SARDH: variants seen among roughly 807,000 people sequenced by gnomAD.
The protein encoded by SARDH is sarcosine dehydrogenase, mitochondrial.
SARDH carries 95 observed loss-of-function variants against 109.1 expected under a neutral mutation model. The ratio of observed to expected loss-of-function variants is 0.87; its 90% confidence interval spans 0.74 to 1.03. SARDH has a LOEUF of 1.03. SARDH is among the 50% of genes least tolerant of loss of function. The probability of loss-of-function intolerance (pLI) is 0.00; values close to 1 mark genes in which losing one functional copy is unlikely to be tolerated. For missense variants in SARDH, 1,267 were observed against 1,287.8 expected (o/e 0.98, Z 0.25); for synonymous variants, 572 against 534.8 (o/e 1.07, Z -0.96).
At chr9:133,669,708 G>A (rs1026919160) in intron 19 of SARDH, among the ~76,000 whole-genome samples, 13 of 152,320 alleles carry the variant, frequency 8.5e-5, no homozygotes, top group East Asian at 3.9e-4. Context: ...GTGACTGGGC[G>A]TGAGTCCCCT....
chr9:133,714,424 C>T (rs371584159), intron 8 of SARDH, among the ~76,000 whole-genome samples: 23 of 152,240 alleles, frequency 1.5e-4, no homozygotes, highest in Admixed American at 4.6e-4. Context: ...GGGCAGAGGC[C>T]GGAGCAGCCA....
rs1482728690 is a variant in SARDH at position 133,694,352 on chromosome 9, G to A, written c.1827C>T (p.Cys609=). 6.4e-7 allele frequency: 1 copy of A among 1,550,734 alleles called. No homozygotes were observed. The highest frequency in any genetic ancestry group is 8.7e-7 in the Non-Finnish European group (1 of 1,146,916). Residue 609 remains cysteine, a synonymous_variant, in exon 15 of 21, where the codon TGC becomes TGT. Coordinates refer to ENST00000439388, the MANE Select transcript of SARDH (RefSeq NM_001134707.2). ...SRPPGSTVYT[C]MLNHRGGTES... The stretch of plus-strand genomic sequence containing the variant: ...CGGTGCCCCCACGGTGGTTGAGCAT[G>A]CACGTGTACACGGTGGAGCCTGCGA...
intron 17 of SARDH, among the ~76,000 whole-genome samples, chr9:133,676,975 C>A (rs932912020): frequency 6.6e-6 from 1 of 152,138 alleles, no homozygotes; most frequent in Non-Finnish European, 1.5e-5. Flanking sequence ...CCCATCTCTA[C>A]TAAAAATACA....
chr9:133,726,235 G>A (rs1365947001), intron 6 of SARDH, among the ~76,000 whole-genome samples: 1 of 151,768 alleles, frequency 6.6e-6, no homozygotes, highest in African/African-American at 2.4e-5. Flanking sequence ...AGGAGTGGTG[G>A]CACATGCCTG....
At chr9:133,733,411 C>CT in intron 2 of SARDH, among the ~76,000 whole-genome samples, 1 of 152,284 alleles carries the variant, frequency 6.6e-6, no homozygotes, top group East Asian at 1.9e-4. Context: ...AATATATGCC[C>CT]CCTGGTTAGT....
rs188160088 is a variant in SARDH, at chr9:133,705,529, C to T, written c.1471-498G>A. On this transcript the variant is annotated intron_variant, in intron 11 of 20. Transcript: ENST00000439388. ...CCAGGAATCCCATCTATAGACTTACCGCCTGCCCCATCTGCCCTCACCCTG... is the reference window on the plus strand; with the variant it reads ...CCAGGAATCCCATCTATAGACTTACTGCCTGCCCCATCTGCCCTCACCCTG... Among the ~76,000 whole-genome samples, 471 of 133,608 alleles carry T rather than the reference C, an allele frequency of 3.5e-3. 1 individual carries two copies. The highest frequency in any genetic ancestry group is 5.4e-3 in the Non-Finnish European group (334 of 61,620). The allele number at this position is 133,608 out of a possible 152,430, so 87.7% of individuals were successfully genotyped here.
At chr9:133,694,712 G>A (rs2073816) in intron 14 of SARDH, among the ~76,000 whole-genome samples, 74,542 of 152,118 alleles carry the variant, frequency 0.49, 20,024 homozygotes, top group African/African-American at 0.73. Context: ...CATGCCCCCC[G>A]TTCATTCTGG....
rs999969007 is a variant in SARDH, at chr9:133,685,229, G to A, written c.2127C>T (p.Phe709=). ...DADLSNEAFP[F]STHKLLRAAG... ...CGGCTCTCAGTAGCTTGTGGGTGGA[G>A]AACGGGAAGGCCTCGTTGCTCAGGT... Residue 709 remains phenylalanine, a synonymous_variant, in exon 17 of 21, where the codon TTC becomes TTT. Transcript: ENST00000439388. The A allele has an allele frequency of 3.7e-6, 6 of 1,613,898 alleles. No homozygotes were observed. The African/African-American group carries it at 6.7e-5, about 18-fold the overall frequency.
At chr9:133,733,709 G>T in intron 2 of SARDH, 134 bp downstream of exon 2, 1 of 841,236 alleles carries the variant, frequency 1.2e-6, no homozygotes, top group Non-Finnish European at 1.7e-6. Context: ...CCTGCAAACT[G>T]GCCATGCACC....
intron 19 of SARDH, among the ~76,000 whole-genome samples, chr9:133,667,472 A>G (rs1162479089): frequency 1.3e-5 from 2 of 151,476 alleles, no homozygotes; most frequent in East Asian, 3.9e-4. Context: ...GGCCAGGTTC[A>G]TTTTTTTTAT....
At position 133,666,552 on chromosome 9, in the gene SARDH, C is replaced by T; in HGVS notation, c.2631+183G>A. Among the ~76,000 whole-genome samples the T allele has an allele frequency of 6.6e-6, 1 of 150,974 alleles. No individual in the cohort carries two copies. The highest frequency in any genetic ancestry group is 1.5e-5 in the Non-Finnish European group (1 of 67,654). ...CTCTCTCCCCTTTTTCCTTCCCCCT[C>T]CTTCTCCTCCTTCCTTCCTCCCCCT... On this transcript the variant is annotated intron_variant, in intron 20 of 20. Coordinates refer to ENST00000439388, the MANE Select transcript of SARDH (RefSeq NM_001134707.2). The surrounding 1 kb of genome is among the most constrained non-coding windows in gnomAD (Gnocchi z 5.2).
chr9:133,731,837 T>C (rs1832692976), intron 3 of SARDH, among the ~76,000 whole-genome samples: 1 of 152,188 alleles, frequency 6.6e-6, no homozygotes, highest in South Asian at 2.1e-4. Context: ...GTGTCTATTA[T>C]ATAAGATAAA....
In SARDH at chr9:133,686,043, C is replaced by G. The variant is rs553564711; in HGVS notation, c.2070-757G>C. Among the ~76,000 whole-genome samples the G allele has an allele frequency of 6.6e-6, 1 of 152,116 alleles. No homozygotes were observed. Among genetic ancestry groups the G allele is most frequent in the African/African-American group, 2.4e-5 (1 of 41,420 alleles). ...AACCTCCTAGGGGACTGTCACCTAC[C>G]GAGGGCAGGGCTGCACCTGAGTGCC... On this transcript the variant is annotated intron_variant, in intron 16 of 20. Transcript: ENST00000439388. This position sits in a 1 kb window ranked among gnomAD's most constrained non-coding sequence, Gnocchi z 4.0.
In SARDH at chr9:133,728,605, C is replaced by A. The variant is rs1832571563; in HGVS notation, c.915+1160G>T. On this transcript the variant is annotated intron_variant, in intron 6 of 20. Transcript: ENST00000439388. This position sits in a 1 kb window ranked among gnomAD's most constrained non-coding sequence, Gnocchi z 5.0. ...GGGAATTCCTATAGCCCCTGAGACC[C>A]CATCAGAGCCCTTATCAGCATGTTC... Among the ~76,000 whole-genome samples, 1 of 152,178 alleles carries A rather than the reference C, an allele frequency of 6.6e-6. No homozygotes were observed. Among genetic ancestry groups the A allele is most frequent in the Non-Finnish European group, 1.5e-5 (1 of 68,034 alleles).
At chr9:133,687,942 C>G (rs1029954160) in intron 16 of SARDH, among the ~76,000 whole-genome samples, 1 of 152,212 alleles carries the variant, frequency 6.6e-6, no homozygotes, top group Non-Finnish European at 1.5e-5. Context: ...CCCGCCCTGG[C>G]TGCCTCCCCC....
At position 133,717,377 on chromosome 9, in the gene SARDH, T is replaced by G; in HGVS notation, c.1099A>C (p.Arg367=). 6.2e-7 allele frequency: 1 copy of G among 1,614,114 alleles called. No homozygotes were observed. The highest frequency in any genetic ancestry group is 8.5e-7 in the Non-Finnish European group (1 of 1,179,998). The part of the protein sequence containing the change: ...FTQHIEGAIN[R]VPVLEKTGIK... ...CCTGTCTTCTCCAGCACGGGGACCC[T>G]GTTGATGGCGCCTTCAATGTGCTGG... Residue 367 remains arginine, a synonymous_variant, in exon 8 of 21, where the codon AGG becomes CGG. Transcript: ENST00000439388.
intron 14 of SARDH, among the ~76,000 whole-genome samples, chr9:133,695,408 A>G (rs1461466321): frequency 6.6e-6 from 1 of 152,180 alleles, no homozygotes; most frequent in Non-Finnish European, 1.5e-5. Context: ...GCGCCATTGC[A>G]CTCCAGCCTG....
In SARDH at chr9:133,731,341, G is replaced by T; in HGVS notation, c.654C>A (p.Thr218=). ...GGGCAGAAGCTGCCCTGGCGAGGGT[G>T]GTACAGGTGCCAGCGGGGTCCATGG... is the stretch of plus-strand genomic sequence containing the variant. The part of the protein sequence containing the change: ...DGTMDPAGTC[T]TLARAASARG... Residue 218 remains threonine, a synonymous_variant, in exon 4 of 21, where the codon ACC becomes ACA. Coordinates refer to ENST00000439388, the MANE Select transcript of SARDH (RefSeq NM_001134707.2). 2 of 1,614,214 alleles carry T rather than the reference G, an allele frequency of 1.2e-6. No homozygotes were observed. The highest frequency in any genetic ancestry group is 2.2e-5 in the South Asian group (2 of 91,088).
chr9:133,675,537 G>A (rs1038407919), intron 17 of SARDH, among the ~76,000 whole-genome samples: 1 of 152,164 alleles, frequency 6.6e-6, no homozygotes, highest in African/African-American at 2.4e-5. Context: ...AGAAAGTAAC[G>A]AGTGTTGGTG....
Sources: allele counts gnomAD v4.1 joint callset (sites outside exome capture counted in the v4.1 genomes callset), GRCh38; gene constraint gnomAD v4.1.1; non-coding constraint Gnocchi (gnomAD v3.1); transcripts MANE v1.5; gene names NCBI Gene and HGNC (gene_info 2026-07-23, HGNC 2026-07-21).